COL6A5: variants seen among roughly 807,000 people sequenced by gnomAD.
COL6A5 encodes the protein collagen type VI alpha 5 chain.
COL6A5 carries 48 observed loss-of-function variants against 65.6 expected under a neutral mutation model. The ratio of observed to expected loss-of-function variants is 0.73; its 90% CI spans 0.58 to 0.93. The LOEUF (loss-of-function observed/expected upper bound fraction) is 0.93. Ranked by LOEUF, COL6A5 falls within the 40% of genes least tolerant of loss-of-function variation. COL6A5 has a pLI of 0.00. For missense variants in COL6A5, 914 were observed against 928.3 expected (o/e 0.98, Z 0.20); for synonymous variants, 291 against 322.8 (o/e 0.90, Z 1.05).
Position 130,370,341 on chromosome 3 carries a change from A to G in COL6A5, c.-28-3270A>G, listed in dbSNP as rs745770545. ...CCAAATCCAAACTTCAAGATGTTAC[A>G]AAAGAGACAGGTTGAGCCATCAAAG... On this transcript the variant is annotated intron_variant and NMD_transcript_variant, in intron 1 of 41. Transcript: ENST00000312481. Among the ~76,000 whole-genome samples the G allele has an allele frequency of 8.5e-5, 13 of 152,314 alleles. No individual in the cohort carries two copies. The Middle Eastern group carries it at 0.01, about 120-fold the overall frequency.
exon 24 of COL6A5, chr3:130,416,808 T>G (rs372727175): frequency 5.1e-5 from 77 of 1,515,698 alleles, no homozygotes; most frequent in Non-Finnish European, 6.1e-5. Flanking sequence ...ACCTGGACTT[T>G]TGGGGAAAAA....
At chr3:130,376,799 C>A (rs770744901) in exon 3 of COL6A5, 2 of 1,613,164 alleles carry the variant, frequency 1.2e-6, no homozygotes, top group African/African-American at 2.7e-5. Context: ...AGGATGTAAC[C>A]AAGTATAAGG....
intron 3 of COL6A5, 106 bp from the exon 36 acceptor site, chr3:130,443,370 G>A (rs1709231201): frequency 3.8e-6 from 3 of 792,156 alleles, no homozygotes; most frequent in Admixed American, 2.6e-5. Context: ...GCTGAAATAT[G>A]TTAGTGACAT....
intron 6 of COL6A5, among the ~76,000 whole-genome samples, chr3:130,390,171 G>T (rs145554766): frequency 4.9e-4 from 75 of 152,262 alleles, no homozygotes; most frequent in African/African-American, 1.6e-3. Context: ...TTTGAAACCT[G>T]CAAGGCTCTT....
chr3:130,349,387 A>T (rs1934620266), intron 1 of COL6A5, among the ~76,000 whole-genome samples: 1 of 152,214 alleles, frequency 6.6e-6, no homozygotes, highest in Non-Finnish European at 1.5e-5. Context: ...CATCTGTGGT[A>T]TGGGTATAAT....
chr3:130,472,843 A>ATG (rs1709990172), intron 7 of COL6A5, among the ~76,000 whole-genome samples: 1 of 142,520 alleles, frequency 7.0e-6, no homozygotes, highest in African/African-American at 2.5e-5. Flanking sequence ...ATATATATAT[A>ATG]TATATATATA....
In COL6A5 at chr3:130,421,206, A is replaced by G. The variant is rs1443642128; in HGVS notation, c.5001+3A>G. Reference sequence around the variant, plus strand: ...AGATGGGACGAAAAGGAGTAAAGGTAAATATGGAAATCAATTATTTTTATT... The same window carrying G: ...AGATGGGACGAAAAGGAGTAAAGGTGAATATGGAAATCAATTATTTTTATT... On this transcript the variant is annotated splice_donor_region_variant and intron_variant and NMD_transcript_variant, in intron 26 of 41. Coordinates refer to the COL6A5 transcript ENST00000312481. 8 of 1,550,512 alleles carry G rather than the reference A, an allele frequency of 5.2e-6. No homozygotes were observed. Among genetic ancestry groups the G allele is most frequent in the Non-Finnish European group, 7.0e-6 (8 of 1,146,078 alleles).
intron 7 of COL6A5, among the ~76,000 whole-genome samples, chr3:130,394,628 ACTTT>A (rs1282547660): frequency 4.6e-5 from 7 of 152,278 alleles, no homozygotes; most frequent in African/African-American, 9.6e-5. Context: ...CAAACTTCTT[ACTTT>A]CTTTCTCTGA....
intron 7 of COL6A5, among the ~76,000 whole-genome samples, chr3:130,478,063 G>A (rs1710141602): frequency 6.6e-6 from 1 of 152,052 alleles, no homozygotes; most frequent in Admixed American, 6.6e-5. Context: ...TACTGGTCAT[G>A]TGATCTTGGG....
chr3:130,478,524 G>A (rs1211296565), intron 7 of COL6A5, among the ~76,000 whole-genome samples: 2 of 152,008 alleles, frequency 1.3e-5, no homozygotes, highest in Non-Finnish European at 2.9e-5. Flanking sequence ...ACCTGAGAAT[G>A]TATTTGTGTC....
chr3:130,472,285 C>T (rs1411157444), intron 7 of COL6A5, among the ~76,000 whole-genome samples: 1 of 151,906 alleles, frequency 6.6e-6, no homozygotes, highest in African/African-American at 2.4e-5. Context: ...AGTTTTAATA[C>T]TCGAGATCTG....
upstream of COL6A5, among the ~76,000 whole-genome samples, chr3:130,428,606 G>T (rs537244379): frequency 1.3e-5 from 2 of 152,130 alleles, no homozygotes; most frequent in Non-Finnish European, 2.9e-5. Context: ...CAAACCCAGC[G>T]GGGTTTCTGC....
At chr3:130,393,741 A>C (rs888905573) in intron 7 of COL6A5, among the ~76,000 whole-genome samples, 7 of 152,216 alleles carry the variant, frequency 4.6e-5, no homozygotes, top group African/African-American at 1.7e-4. Context: ...AGAGCTCTGA[A>C]GCAAATTTCG....
exon 6 of COL6A5, chr3:130,469,456 C>T (rs750243034): frequency 1.6e-5 from 25 of 1,612,082 alleles, no homozygotes; most frequent in Non-Finnish European, 2.0e-5. Flanking sequence ...TCAAGTTTGT[C>T]AAGCCATTTG....
chr3:130,398,275 C>T (rs931685817), intron 10 of COL6A5, among the ~76,000 whole-genome samples, 164 bp downstream of exon 10: 12 of 151,702 alleles, frequency 7.9e-5, no homozygotes, highest in Admixed American at 3.9e-4. Flanking sequence ...GGACTACAGG[C>T]GCCCACCACC....
chr3:130,427,081 T>C, upstream of COL6A5, among the ~76,000 whole-genome samples: 1 of 152,196 alleles, frequency 6.6e-6, no homozygotes, highest in South Asian at 2.1e-4. Flanking sequence ...GGTTATAATA[T>C]ATCATCTTCT....
At chr3:130,468,524 A>C (rs1482788406) in intron 5 of COL6A5, among the ~76,000 whole-genome samples, 1 of 152,100 alleles carries the variant, frequency 6.6e-6, no homozygotes, top group Non-Finnish European at 1.5e-5. Flanking sequence ...CTGGAGGATA[A>C]ATCAGTCCTT....
At chr3:130,390,205 A>C (rs894582624) in intron 6 of COL6A5, among the ~76,000 whole-genome samples, 1 of 152,104 alleles carries the variant, frequency 6.6e-6, no homozygotes, top group African/African-American at 2.4e-5. Context: ...CATTTTGATT[A>C]ATGTAAATGT....
chr3:130,371,259 G>A (rs1252984416), intron 1 of COL6A5, among the ~76,000 whole-genome samples: 1 of 151,096 alleles, frequency 6.6e-6, no homozygotes, highest in Admixed American at 6.6e-5. Context: ...TTATCTACCT[G>A]TTCAATGAAA....
Sources: allele counts gnomAD v4.1 joint callset (sites outside exome capture counted in the v4.1 genomes callset), GRCh38; gene constraint gnomAD v4.1.1; transcripts MANE v1.5; gene names NCBI Gene and HGNC (gene_info 2026-07-23, HGNC 2026-07-21).